HRH2: variants seen among roughly 807,000 people sequenced by gnomAD.
HRH2 encodes histamine receptor H2, also known as histamine H2 receptor.
Under a neutral mutation model 20.1 loss-of-function variants are expected in HRH2, and 4 were observed. The observed-to-expected ratio is 0.20, with a 90% confidence interval of 0.10 to 0.45. HRH2 has a LOEUF of 0.45. Ranked by LOEUF, HRH2 falls within the 20% of genes least tolerant of loss-of-function variation. The pLI is 0.99. For synonymous variants in HRH2, 197 were observed against 200.7 expected, an observed-to-expected ratio of 0.98 and a Z score of 0.16; for missense variants, 250 against 461.6, an observed-to-expected ratio of 0.54 and a Z score of 4.20.
In HRH2 at chr5:175,683,386, C is replaced by A. The variant is rs1756059617; in HGVS notation, c.153C>A (p.Asn51Lys). The part of the protein sequence containing the change: ...LAVGLNRRLR[N>K]LTNCFIVSLA... ...TGGGCTTGAACCGCCGGCTCCGCAA[C>A]CTGACCAATTGTTTCATCGTGTCCT... The change falls in exon 2 of 3, where the codon AAC becomes AAA. Residue 51 changes from asparagine (N) to lysine (K), a missense_variant. Transcript: ENST00000636584. 1.2e-6 allele frequency: 2 copies of A among 1,614,200 alleles called. No individual in the cohort carries two copies. Among genetic ancestry groups the A allele is most frequent in the Non-Finnish European group, 1.7e-6 (2 of 1,180,048 alleles).
chr5:175,670,549 C>T (rs776158530), intron 1 of HRH2, among the ~76,000 whole-genome samples: 1 of 152,298 alleles, frequency 6.6e-6, no homozygotes, highest in East Asian at 1.9e-4. Flanking sequence ...TGGACAGGGA[C>T]TCTTCCACTC....
rs1481250065 is a variant in HRH2, at chr5:175,677,153, C to T, written c.-525-5556C>T. On this transcript the variant is annotated intron_variant, in intron 1 of 2. Transcript: ENST00000636584. The surrounding 1 kb of genome is among the most constrained non-coding windows in gnomAD (Gnocchi z 4.2). ...TGCCCTACAGGCGTGCACAACTATG[C>T]CCAGCTAATTTTTAAACTTTTTGTA... Among the ~76,000 whole-genome samples the T allele has an allele frequency of 6.6e-6, 1 of 152,070 alleles. No homozygotes were observed. The highest frequency in any genetic ancestry group is 1.9e-4 in the East Asian group (1 of 5,182).
chr5:175,669,224 T>A (rs1755425690), intron 1 of HRH2, among the ~76,000 whole-genome samples: 1 of 152,162 alleles, frequency 6.6e-6, no homozygotes, highest in African/African-American at 2.4e-5. Flanking sequence ...ACATCCCCTT[T>A]TCCCAGCCTC....
Position 175,699,816 on chromosome 5 carries a change from G to A in HRH2, c.1077-7963G>A, listed in dbSNP as rs577502069. 5.3e-5 allele frequency among the ~76,000 whole-genome samples: 8 copies of A among 152,092 alleles called. No homozygotes were observed. In the South Asian group the frequency reaches 8.3e-4, roughly 16 times the overall value. On this transcript the variant is annotated intron_variant, in intron 2 of 2. Transcript: ENST00000636584. The stretch of plus-strand genomic sequence containing the variant: ...TCTTGATCTCCTGACCTCGTGATCC[G>A]CCCGCCTCAGCCTCCCAAAGTGCTG...
intron 1 of HRH2, among the ~76,000 whole-genome samples, chr5:175,671,408 A>C (rs1755534812): frequency 6.6e-6 from 1 of 152,182 alleles, no homozygotes; most frequent in Admixed American, 6.5e-5. Flanking sequence ...CAAAACCTCC[A>C]AGGAATGAGG....
Position 175,695,776 on chromosome 5 carries a change from A to T in HRH2, c.1076+11467A>T, listed in dbSNP as rs151150640. Among the ~76,000 whole-genome samples the T allele has an allele frequency of 2.6e-5, 4 of 152,186 alleles. 1 individual carries two copies. The highest frequency in any genetic ancestry group is 9.6e-5 in the African/African-American group (4 of 41,528). The stretch of plus-strand genomic sequence containing the variant: ...GTGTAGACCTCAAGGAGAAGGGGCC[A>T]CCAGCATTTAAGGATGGGCCAGGGA... On this transcript the variant is annotated intron_variant, in intron 2 of 2. Transcript: ENST00000636584.
chr5:175,667,451 C>A lies in HRH2; in HGVS notation c.-526+9296C>A, dbSNP rs7731998. Reference sequence around the variant, plus strand: ...AAGAGCAAAACTCCGTCCCTCCCCCCACCCCCCAAAAAAAGAAAAGGAAAA... The same window carrying A: ...AAGAGCAAAACTCCGTCCCTCCCCCAACCCCCCAAAAAAAGAAAAGGAAAA... On this transcript the variant is annotated intron_variant, in intron 1 of 2. Coordinates refer to ENST00000636584, the MANE Select transcript of HRH2 (RefSeq NM_001367711.1). Among the ~76,000 whole-genome samples, 26 of 125,840 alleles carry A rather than the reference C, an allele frequency of 2.1e-4. No homozygotes were observed. In the South Asian group the frequency reaches 2.7e-3, roughly 13 times the overall value. 82.6% of individuals were successfully genotyped at this position (125,840 alleles called of 152,430 possible). A position where few individuals can be genotyped will look rare whatever the true frequency, so the allele number is the denominator to read the frequency against.
chr5:175,696,843 G>C (rs1756604719), intron 2 of HRH2, among the ~76,000 whole-genome samples: 1 of 152,226 alleles, frequency 6.6e-6, no homozygotes, highest in African/African-American at 2.4e-5. Flanking sequence ...ATGGGGTTGG[G>C]GTGAGAAGGA....
chr5:175,664,614 A>T (rs183093237), intron 1 of HRH2, among the ~76,000 whole-genome samples: 1 of 152,004 alleles, frequency 6.6e-6, no homozygotes, highest in African/African-American at 2.4e-5. Context: ...CATCAAGCTG[A>T]GGTGTTTGGA....
chr5:175,671,558 T>C (rs570172756), intron 1 of HRH2, among the ~76,000 whole-genome samples: 5 of 152,146 alleles, frequency 3.3e-5, no homozygotes, highest in South Asian at 4.1e-4. Context: ...AAAAAGGAAT[T>C]TGGACTTCTT....
chr5:175,683,259 C>T lies in HRH2; in HGVS notation c.26C>T (p.Ser9Phe). The T allele has an allele frequency of 6.2e-7, 1 of 1,614,132 alleles. No homozygotes were observed. Among genetic ancestry groups the T allele is most frequent in the Non-Finnish European group, 8.5e-7 (1 of 1,179,982 alleles). The change falls in exon 2 of 3, where the codon TCC (serine) becomes TTC (phenylalanine). Residue 9 changes from serine to phenylalanine, a missense_variant. Ser to Phe is a radical substitution (Grantham distance 155, BLOSUM62 -2). Transcript: ENST00000636584. MAPNGTAS[S>F]FCLDSTACKI... ...ATGGCACCCAATGGCACAGCCTCTTCCTTTTGCCTGGACTCTACCGCATGC... is the reference window on the plus strand; with the variant it reads ...ATGGCACCCAATGGCACAGCCTCTTTCTTTTGCCTGGACTCTACCGCATGC...
chr5:175,667,681 G>A (rs538763220), intron 1 of HRH2, among the ~76,000 whole-genome samples: 1 of 152,142 alleles, frequency 6.6e-6, no homozygotes, highest in South Asian at 2.1e-4. Flanking sequence ...TTAAATATAA[G>A]CATTTCCCCT....
In HRH2 at chr5:175,683,759, G is replaced by A; in HGVS notation, c.526G>A (p.Val176Ile). The A allele has an allele frequency of 6.2e-7, 1 of 1,614,158 alleles. No individual in the cohort carries two copies. The highest frequency in any genetic ancestry group is 8.5e-7 in the Non-Finnish European group (1 of 1,180,040). ...KGNHTTSKCK[V>I]QVNEVYGLVD... ...CAATCATACCACCTCTAAGTGCAAA[G>A]TCCAGGTCAATGAAGTGTACGGGCT... Residue 176 changes from valine (V) to isoleucine (I), a missense_variant, in exon 2 of 3, where the codon GTC (valine) becomes ATC (isoleucine). Transcript: ENST00000636584.
At chr5:175,662,204 A>G (rs1246083026) in intron 1 of HRH2, among the ~76,000 whole-genome samples, 1 of 152,044 alleles carries the variant, frequency 6.6e-6, no homozygotes, top group African/African-American at 2.4e-5. Context: ...TTTGAAATAG[A>G]TCAGGAAGGA....
chr5:175,660,096 T>TG (rs1762695079), intron 1 of HRH2, among the ~76,000 whole-genome samples: 1 of 152,216 alleles, frequency 6.6e-6, no homozygotes, highest in African/African-American at 2.4e-5. Flanking sequence ...GATGCGTCCG[T>TG]GGGAAAAACA....
intron 2 of HRH2, among the ~76,000 whole-genome samples, chr5:175,699,445 A>C (rs1279967177): frequency 2.0e-5 from 3 of 152,140 alleles, no homozygotes; most frequent in Non-Finnish European, 2.9e-5. Context: ...CTCTTAAAGG[A>C]GAGACCTGCC....
chr5:175,669,364 C>CTTTTTTTTT, intron 1 of HRH2, among the ~76,000 whole-genome samples: 2 of 133,132 alleles, frequency 1.5e-5, no homozygotes, highest in Non-Finnish European at 3.2e-5. Context: ...TTCTTTCTTT[C>CTTTTTTTTT]TTTTTTTTTT....
At chr5:175,685,283 T>C (rs1262703339) in intron 2 of HRH2, 1 of 817,298 alleles carries the variant, frequency 1.2e-6, no homozygotes, top group Admixed American at 2.9e-5. Flanking sequence ...GGAAGCTCGC[T>C]GTGAGGAGAG....
intron 2 of HRH2, among the ~76,000 whole-genome samples, chr5:175,697,413 G>A (rs537347711): frequency 9.8e-4 from 148 of 150,290 alleles, no homozygotes; most frequent in African/African-American, 3.4e-3. Flanking sequence ...CAGTGAGCCG[G>A]GATAGCGCCA....
Sources: gnomAD v4.1 joint callset for allele counts (sites outside exome capture counted in the v4.1 genomes callset) on GRCh38, gnomAD v4.1.1 for gene constraint, Gnocchi (gnomAD v3.1) non-coding constraint, MANE v1.5 for transcripts, NCBI Gene and HGNC (gene_info 2026-07-23, HGNC 2026-07-21) for gene names.